Variants in MSH3 observed in about 807,000 individuals in gnomAD.
MSH3 encodes mutS homolog 3.
In MSH3, 106 loss-of-function variants were observed where a neutral mutation model predicts 123.3. That is an observed-to-expected ratio of 0.86 (90% confidence interval 0.73 to 1.01). The LOEUF (loss-of-function observed/expected upper bound fraction) is 1.01. Among genes scored for constraint, MSH3 ranks in the 50% least tolerant of loss-of-function variants. The pLI is 0.00. For synonymous variants in MSH3, 515 were observed against 481.4 expected (o/e 1.07, Z -0.91); for missense variants, 1,459 against 1,347.6 (o/e 1.08, Z -1.29).
At chr5:80,656,302 T>C in intron 1 of MSH3, 109 bp from the exon 2 acceptor site, 1 of 1,423,824 alleles carries the variant, frequency 7.0e-7, no homozygotes. Flanking sequence ...CTTTGAAGAG[T>C]GGATGGCAAG....
rs148937127 is a variant in MSH3, at chr5:80,719,442, A to G, written c.1341-6011A>G. Among the ~76,000 whole-genome samples the G allele has an allele frequency of 2.2e-3, 332 of 152,286 alleles. 6 individuals are homozygous for G. The South Asian group carries it at 0.038, about 18-fold the overall frequency. On this transcript the variant is annotated intron_variant, in intron 8 of 23. Coordinates refer to ENST00000265081, the MANE Select transcript of MSH3 (RefSeq NM_002439.5). The stretch of plus-strand genomic sequence containing the variant: ...AAGAACTCATTAAAAAATACTTCTG[A>G]TTCAAATTCAGGGCTAAAGAGTTTT...
At chr5:80,822,305 A>G (rs148990666) in intron 20 of MSH3, among the ~76,000 whole-genome samples, 155 of 152,282 alleles carry the variant, frequency 1.0e-3, no homozygotes, top group Non-Finnish European at 1.9e-3. Context: ...TCAAATTACT[A>G]CTTCTCAGTG....
At chr5:80,811,945 ACT>A (rs1745016587) in intron 19 of MSH3, among the ~76,000 whole-genome samples, 1 of 151,676 alleles carries the variant, frequency 6.6e-6, no homozygotes, top group Non-Finnish European at 1.5e-5. Context: ...CTTATTTTTT[ACT>A]CTCTGTAAAA....
intron 20 of MSH3, among the ~76,000 whole-genome samples, chr5:80,814,129 G>A (rs543167945): frequency 1.0e-3 from 145 of 142,306 alleles, no homozygotes; most frequent in East Asian, 2.2e-3. Flanking sequence ...CTGTCTCAAA[G>A]AAAAAAAAAA....
chr5:80,701,266 C>G (rs1750604385), intron 8 of MSH3, among the ~76,000 whole-genome samples: 2 of 152,120 alleles, frequency 1.3e-5, no homozygotes, highest in African/African-American at 4.8e-5. Flanking sequence ...GATTGAGTCC[C>G]ATCATTCTTG....
At chr5:80,787,347 T>C (rs1158537118) in intron 17 of MSH3, among the ~76,000 whole-genome samples, 1 of 152,224 alleles carries the variant, frequency 6.6e-6, no homozygotes, top group Non-Finnish European at 1.5e-5. Flanking sequence ...ATAGAAGTTG[T>C]TTTAAATTTA....
intron 22 of MSH3, among the ~76,000 whole-genome samples, chr5:80,868,809 G>A (rs913161990): frequency 2.6e-5 from 4 of 151,124 alleles, no homozygotes; most frequent in African/African-American, 7.3e-5. Context: ...TTCCATGTTC[G>A]AATTTATAGT....
chr5:80,781,125 T>C (rs1222433243), intron 17 of MSH3, among the ~76,000 whole-genome samples: 1 of 152,212 alleles, frequency 6.6e-6, no homozygotes, highest in Non-Finnish European at 1.5e-5. Context: ...ATGGAAATTT[T>C]GTCTATTCAG....
rs117953196 is a variant in MSH3 at position 80,852,894 on chromosome 5, A to G, written c.2814-1236A>G. On this transcript the variant is annotated intron_variant, in intron 20 of 23. Coordinates refer to ENST00000265081, the MANE Select transcript of MSH3 (RefSeq NM_002439.5). ...TGTGTCCTATTTTGTGAACTATTGTAGCAAAACTAAATCAATGAAGGGATT... is the reference window on the plus strand; with the variant it reads ...TGTGTCCTATTTTGTGAACTATTGTGGCAAAACTAAATCAATGAAGGGATT... Among the ~76,000 whole-genome samples, 87 of 152,340 alleles carry G rather than the reference A, an allele frequency of 5.7e-4. 2 individuals carry two copies. The East Asian group carries it at 0.015, about 27-fold the overall frequency.
intron 19 of MSH3, among the ~76,000 whole-genome samples, chr5:80,808,194 A>G (rs1282866410): frequency 6.6e-6 from 1 of 152,212 alleles, no homozygotes; most frequent in East Asian, 1.9e-4. Flanking sequence ...TCTTAAATCT[A>G]GCCATTTTGC....
intron 19 of MSH3, among the ~76,000 whole-genome samples, chr5:80,797,355 A>G (rs1052948780): frequency 5.3e-5 from 8 of 152,232 alleles, no homozygotes; most frequent in Admixed American, 2.6e-4. Flanking sequence ...TCTCTGGCAC[A>G]TAGCTGGCAC....
intron 11 of MSH3, among the ~76,000 whole-genome samples, chr5:80,743,626 C>T (rs1743658720): frequency 1.7e-5 from 1 of 60,268 alleles, no homozygotes; most frequent in Non-Finnish European, 3.3e-5. Context: ...GGGCGGATCA[C>T]GAGGTCAGGA....
At chr5:80,840,068 C>T (rs909734730) in intron 20 of MSH3, among the ~76,000 whole-genome samples, 20 of 152,106 alleles carry the variant, frequency 1.3e-4, no homozygotes, top group Admixed American at 3.3e-4. Context: ...AAGCTTGAGC[C>T]GTTCTTCTTC....
In MSH3 at chr5:80,776,926, A is replaced by T. The variant is rs865869965; in HGVS notation, c.2318+1168A>T. On this transcript the variant is annotated intron_variant, in intron 16 of 23. Transcript: ENST00000265081. Reference sequence around the variant, plus strand: ...ATATAATACAAATATATATATATATATATTTTTTTTTTTTCTTTTTTTTAA... The same window carrying T: ...ATATAATACAAATATATATATATATTTATTTTTTTTTTTTCTTTTTTTTAA... Among the ~76,000 whole-genome samples, 716 of 126,858 alleles carry T rather than the reference A, an allele frequency of 5.6e-3. 4 individuals carry two copies. The highest frequency in any genetic ancestry group is 0.019 in the African/African-American group (675 of 34,754). 83.2% of individuals were successfully genotyped at this position (126,858 alleles called of 152,430 possible). A position where few individuals can be genotyped will look rare whatever the true frequency, so the allele number is the denominator to read the frequency against.
intron 6 of MSH3, 150 bp downstream of exon 6, chr5:80,673,008 C>T: frequency 1.4e-6 from 1 of 710,928 alleles, no homozygotes; most frequent in South Asian, 1.5e-5. Flanking sequence ...ATTAGGTGTG[C>T]TATTCAAGAG....
intron 2 of MSH3, among the ~76,000 whole-genome samples, chr5:80,658,807 A>T (rs749403411): frequency 3.3e-5 from 5 of 152,068 alleles, no homozygotes; most frequent in Non-Finnish European, 7.4e-5. Context: ...TGTGTTGACC[A>T]GATTGGTCTT....
At position 80,715,686 on chromosome 5, in the gene MSH3, C is replaced by T. The variant is rs145146501; in HGVS notation, c.1341-9767C>T. 1.8e-3 allele frequency among the ~76,000 whole-genome samples: 274 copies of T among 152,120 alleles called. 2 individuals are homozygous for T. Among genetic ancestry groups the T allele is most frequent in the African/African-American group, 6.2e-3 (259 of 41,498 alleles). On this transcript the variant is annotated intron_variant, in intron 8 of 23. Transcript: ENST00000265081. ...GGGGAGGCCTCAGGAAACTTACAGT[C>T]GTGGCAGAAGGTGAAGGGGAAGCAG...
chr5:80,762,790 T>TTATGTTATG (rs1744061014), intron 13 of MSH3, among the ~76,000 whole-genome samples: 29 of 132,994 alleles, frequency 2.2e-4, no homozygotes, highest in African/African-American at 6.7e-4. Flanking sequence ...TTTATTTTAT[T>TTATGTTATG]TTATGTTATG....
At chr5:80,807,986 G>A (rs1265433680) in intron 19 of MSH3, among the ~76,000 whole-genome samples, 1 of 152,130 alleles carries the variant, frequency 6.6e-6, no homozygotes, top group Non-Finnish European at 1.5e-5. Context: ...GACATTATTT[G>A]AGGACCTGCT....
Sources: allele counts gnomAD v4.1 joint callset (sites outside exome capture counted in the v4.1 genomes callset), GRCh38; gene constraint gnomAD v4.1.1; transcripts MANE v1.5; gene names NCBI Gene and HGNC (gene_info 2026-07-23, HGNC 2026-07-21).